Variants in TNIK observed in about 807,000 individuals in gnomAD.
The protein encoded by TNIK is TRAF2 and NCK interacting kinase, also known as TRAF2 and NCK-interacting protein kinase.
A neutral mutation model predicts 191.3 loss-of-function variants in TNIK; 49 were observed. The observed-to-expected ratio is 0.26, with a 90% CI of 0.20 to 0.32. The LOEUF (loss-of-function observed/expected upper bound fraction) is 0.32. Among genes scored for constraint, TNIK ranks in the 10% least tolerant of loss-of-function variants. The pLI, the probability that TNIK is intolerant of heterozygous loss-of-function variation, is 1.00. For missense variants in TNIK, 1,155 were observed against 1,702.3 expected, an observed-to-expected ratio of 0.68 and a Z score of 5.66; for synonymous variants, 594 against 600.9, an observed-to-expected ratio of 0.99 and a Z score of 0.17.
At chr3:171,340,485 T>C (rs1757406704) in intron 2 of TNIK, among the ~76,000 whole-genome samples, 1 of 152,228 alleles carries the variant, frequency 6.6e-6, no homozygotes, top group South Asian at 2.1e-4. Flanking sequence ...TTTACTCCCA[T>C]TTCAAGTTAG....
At chr3:171,172,910 G>A (rs535063245) in intron 9 of TNIK, among the ~76,000 whole-genome samples, 7 of 152,244 alleles carry the variant, frequency 4.6e-5, no homozygotes, top group Admixed American at 2.0e-4. Flanking sequence ...GTTTGAAGCC[G>A]AAAAATCAGA....
At position 171,060,909 on chromosome 3, in the gene TNIK, T is replaced by G. The variant is rs1394790690; in HGVS notation, c.*2972A>C. Reference sequence around the variant, plus strand: ...TAAGAACTGGCAGATCTAGTGAAACTTACTCTGAGGGGAGGGCTCAGTTTC... The same window carrying G: ...TAAGAACTGGCAGATCTAGTGAAACGTACTCTGAGGGGAGGGCTCAGTTTC... On this transcript the variant is annotated 3_prime_UTR_variant, in exon 33 of 33. Transcript: ENST00000436636. Among the ~76,000 whole-genome samples the G allele has an allele frequency of 6.6e-6, 1 of 152,132 alleles. No individual in the cohort carries two copies. The highest frequency in any genetic ancestry group is 2.4e-5 in the African/African-American group (1 of 41,424).
intron 15 of TNIK, among the ~76,000 whole-genome samples, chr3:171,135,108 T>C (rs148375466): frequency 1.5e-3 from 234 of 152,338 alleles, no homozygotes; most frequent in Non-Finnish European, 2.6e-3. Context: ...GAAAATGGCA[T>C]CCTTTTATTT....
chr3:171,411,536 G>A (rs1387465393), intron 1 of TNIK, among the ~76,000 whole-genome samples: 1 of 152,050 alleles, frequency 6.6e-6, no homozygotes, highest in Admixed American at 6.6e-5. Context: ...GGTGCAACAG[G>A]TTTAATTCCA....
chr3:171,280,677 A>T (rs529026584), intron 2 of TNIK, among the ~76,000 whole-genome samples: 22 of 152,012 alleles, frequency 1.4e-4, no homozygotes, highest in Non-Finnish European at 2.5e-4. Context: ...TGTATCCAAA[A>T]GAATGATCTT....
chr3:171,232,482 C>A (rs1161602079), intron 2 of TNIK, among the ~76,000 whole-genome samples: 1 of 152,162 alleles, frequency 6.6e-6, no homozygotes, highest in Non-Finnish European at 1.5e-5. Flanking sequence ...GTTGCTGAGT[C>A]ATTTTTTAAT....
chr3:171,142,805 C>T (rs1731020474), intron 12 of TNIK, among the ~76,000 whole-genome samples: 2 of 152,168 alleles, frequency 1.3e-5, no homozygotes, highest in African/African-American at 4.8e-5. Context: ...ATTATGTGTA[C>T]AGATCTGGAT....
At chr3:171,150,238 C>G (rs1732256126) in intron 12 of TNIK, among the ~76,000 whole-genome samples, 1 of 152,208 alleles carries the variant, frequency 6.6e-6, no homozygotes, top group Admixed American at 6.5e-5. Context: ...TGAACTTATT[C>G]AGGTGTTTAC....
At position 171,126,016 on chromosome 3, in the gene TNIK, G is replaced by A. The variant is rs754231377; in HGVS notation, c.1909C>T (p.Arg637Cys). ...TCCGAGGTGGGATCTGAGTTCTGGC[G>A]TGGCATCTCCACGCGGTGGGAGGTC... ...NVTSHRVEMPRQNSDPTSENP... is the reference protein window; with the variant it reads ...NVTSHRVEMPCQNSDPTSENP... The change falls in exon 17 of 33, where the codon CGC (arginine) becomes TGC (cysteine). Residue 637 changes from arginine (R) to cysteine (C), a missense_variant. By Grantham distance (180) the Arg-to-Cys change is radical. Coordinates refer to ENST00000436636, the MANE Select transcript of TNIK (RefSeq NM_015028.4). The A allele has an allele frequency of 3.1e-6, 5 of 1,613,962 alleles. No homozygotes were observed. The highest frequency in any genetic ancestry group is 1.7e-4 in the Middle Eastern group (1 of 6,060).
chr3:171,390,985 C>T (rs566259259), intron 1 of TNIK, among the ~76,000 whole-genome samples: 31 of 152,186 alleles, frequency 2.0e-4, no homozygotes, highest in Non-Finnish European at 3.1e-4. Context: ...TCAACACAAG[C>T]TGGGCAAGTG....
In TNIK at chr3:171,288,117, A is replaced by G. The variant is rs564611638; in HGVS notation, c.124-59896T>C. Among the ~76,000 whole-genome samples the G allele has an allele frequency of 7.0e-4, 95 of 135,974 alleles. 1 individual carries two copies. In the South Asian group the frequency reaches 0.022, roughly 31 times the overall value. 89.2% of individuals were successfully genotyped at this position (135,974 alleles called of 152,430 possible). On this transcript the variant is annotated intron_variant, in intron 2 of 32. Coordinates refer to ENST00000436636, the MANE Select transcript of TNIK (RefSeq NM_015028.4). ...CTCACTCATAGGTGGGAATTGAACAATGAGATCACATGGACACAGGAAGGG... is the reference window on the plus strand; with the variant it reads ...CTCACTCATAGGTGGGAATTGAACAGTGAGATCACATGGACACAGGAAGGG...
At chr3:171,292,637 G>A (rs925885650) in intron 2 of TNIK, among the ~76,000 whole-genome samples, 6 of 152,090 alleles carry the variant, frequency 3.9e-5, no homozygotes, top group Admixed American at 6.6e-5. Flanking sequence ...TTAGCTGGGC[G>A]TGGTGGCGGG....
Position 171,218,826 on chromosome 3 carries a change from TATAA to T in TNIK, c.181-7589_181-7586del, listed in dbSNP as rs529163410. 9.2e-3 allele frequency among the ~76,000 whole-genome samples: 1,292 copies of T among 139,802 alleles called. 20 individuals are homozygous for T. Among genetic ancestry groups the T allele is most frequent in the African/African-American group, 0.033 (1,239 of 37,780 alleles). The allele number at this position is 139,802 out of a possible 152,430, so 91.7% of individuals were successfully genotyped here. Reference sequence around the variant, plus strand: ...ATATTAAATACATATTTTTATATATTATAAATATATATTTGATATATATTACATA... The same window carrying T: ...ATATTAAATACATATTTTTATATATTATATATATTTGATATATATTACATA... On this transcript the variant is annotated intron_variant, in intron 3 of 32. Coordinates refer to ENST00000436636, the MANE Select transcript of TNIK (RefSeq NM_015028.4).
rs1038884693 is a variant in TNIK, at chr3:171,364,974, T to TA, written c.123+4645dup. ...TGGAATATAAAACTATTTACAAGCA[T>TA]AAAACACGACTTTTAGTGACAGAAT... On this transcript the variant is annotated intron_variant, in intron 2 of 32. Transcript: ENST00000436636. Among the ~76,000 whole-genome samples the TA allele has an allele frequency of 3.3e-5, 5 of 151,842 alleles. No homozygotes were observed. In the East Asian group the frequency reaches 7.7e-4, roughly 23 times the overall value.
At chr3:171,420,728 T>TG (rs1412825650) in intron 1 of TNIK, among the ~76,000 whole-genome samples, 1 of 152,166 alleles carries the variant, frequency 6.6e-6, no homozygotes, top group Admixed American at 6.5e-5. Flanking sequence ...TCTTGCACTT[T>TG]GGGGCCATTA....
At chr3:171,246,584 G>A (rs1745618627) in intron 2 of TNIK, among the ~76,000 whole-genome samples, 1 of 152,146 alleles carries the variant, frequency 6.6e-6, no homozygotes, top group African/African-American at 2.4e-5. Context: ...CATCTCATTT[G>A]ACTTCTGCAT....
intron 23 of TNIK, among the ~76,000 whole-genome samples, chr3:171,091,302 C>T (rs549106829): frequency 6.6e-5 from 10 of 152,108 alleles, no homozygotes; most frequent in Non-Finnish European, 1.3e-4. Context: ...TTTTCTTCTC[C>T]GCTGGTTGAA....
intron 18 of TNIK, among the ~76,000 whole-genome samples, chr3:171,116,538 TG>T (rs1356134878): frequency 4.6e-5 from 7 of 152,172 alleles, no homozygotes; most frequent in African/African-American, 1.7e-4. Flanking sequence ...CCCAAATACT[TG>T]GGCCAAGTCT....
At chr3:171,248,016 G>A (rs1745803207) in intron 2 of TNIK, among the ~76,000 whole-genome samples, 1 of 152,202 alleles carries the variant, frequency 6.6e-6, no homozygotes, top group South Asian at 2.1e-4. Flanking sequence ...GCAATTCTGG[G>A]CAAGGGAGGA....
Sources: allele counts gnomAD v4.1 joint callset (sites outside exome capture counted in the v4.1 genomes callset), GRCh38; gene constraint gnomAD v4.1.1; transcripts MANE v1.5; gene names NCBI Gene and HGNC (gene_info 2026-07-23, HGNC 2026-07-21).